Variants in IL1RAPL1 observed in about 807,000 individuals in gnomAD.
IL1RAPL1 encodes the protein interleukin-1 receptor accessory protein-like 1.
Under a neutral mutation model 48.4 loss-of-function variants are expected in IL1RAPL1, and 3 were observed. The observed-to-expected ratio is 0.06, with a 90% CI of 0.03 to 0.16. The LOEUF is 0.16. IL1RAPL1 is among the 10% of genes least tolerant of loss of function. The probability of loss-of-function intolerance (pLI) is 1.00; values close to 1 mark genes in which losing one functional copy is unlikely to be tolerated. For synonymous variants in IL1RAPL1, 185 were observed against 187.7 expected (o/e 0.99, Z 0.12); for missense variants, 349 against 530.6 (o/e 0.66, Z 3.36).
chrX:29,915,033 C>T (rs1833124), intron 6 of IL1RAPL1, among the ~76,000 whole-genome samples: 45,721 of 111,392 alleles, frequency 0.41, 8,045 homozygotes, highest in East Asian at 0.65. Context: ...TGGTGGCTCA[C>T]GCCTGTAATC....
intron 5 of IL1RAPL1, among the ~76,000 whole-genome samples, chrX:29,520,733 A>T (rs1477933023): frequency 9.0e-6 from 1 of 110,987 alleles, no homozygotes; most frequent in East Asian, 2.8e-4. Context: ...TATTATCTTT[A>T]TTGGATCTTA....
intron 2 of IL1RAPL1, among the ~76,000 whole-genome samples, chrX:29,223,787 C>T (rs1407625494): frequency 9.0e-6 from 1 of 110,594 alleles, no homozygotes; most frequent in Non-Finnish European, 1.9e-5. Flanking sequence ...TCATGATCCA[C>T]CCGCCTCGTC....
chrX:28,972,976 C>T (rs1925121850), intron 2 of IL1RAPL1, among the ~76,000 whole-genome samples: 1 of 111,291 alleles, frequency 9.0e-6, no homozygotes, highest in Non-Finnish European at 1.9e-5. Context: ...TCATGCCCTT[C>T]CTGCTGTTGT....
chrX:29,141,174 T>C (rs1221171392), intron 2 of IL1RAPL1, among the ~76,000 whole-genome samples: 2 of 110,370 alleles, frequency 1.8e-5, no homozygotes, highest in Non-Finnish European at 3.8e-5. Context: ...ATTAATGGTG[T>C]TTATATTCAG....
intron 10 of IL1RAPL1, 80 bp from the exon 11 acceptor site, chrX:29,955,022 T>G: frequency 1.2e-6 from 1 of 813,404 alleles, no homozygotes; most frequent in Admixed American, 2.2e-5. Flanking sequence ...TTCATTTAAT[T>G]TCTGAAAGAG....
At chrX:29,756,916 G>A (rs1255035028) in intron 6 of IL1RAPL1, among the ~76,000 whole-genome samples, 1 of 111,631 alleles carries the variant, frequency 9.0e-6, no homozygotes, top group Non-Finnish European at 1.9e-5. Context: ...AGACACATAG[G>A]AGAGAACACC....
intron 3 of IL1RAPL1, among the ~76,000 whole-genome samples, chrX:29,322,483 T>G (rs1932810838): frequency 9.0e-6 from 1 of 111,627 alleles, no homozygotes; most frequent in Admixed American, 9.5e-5. Flanking sequence ...CAGGCTGGTC[T>G]TGAACTCCCG....
intron 2 of IL1RAPL1, among the ~76,000 whole-genome samples, chrX:29,110,564 T>C (rs932498870): frequency 8.9e-6 from 1 of 111,804 alleles, no homozygotes; most frequent in Non-Finnish European, 1.9e-5. Context: ...TAGTGTCTGT[T>C]CTTTCAAAGG....
At chrX:28,602,245 A>T (rs779094168) in intron 1 of IL1RAPL1, among the ~76,000 whole-genome samples, 36 of 112,087 alleles carry the variant, frequency 3.2e-4, no homozygotes, top group African/African-American at 1.2e-3. Flanking sequence ...CAAATTGTGA[A>T]GCTTATTAAG....
intron 6 of IL1RAPL1, among the ~76,000 whole-genome samples, chrX:29,916,246 G>C (rs1932800128): frequency 9.2e-6 from 1 of 108,960 alleles, no homozygotes; most frequent in African/African-American, 3.3e-5. Context: ...ATGATTTATA[G>C]TCATTTGGGT....
intron 2 of IL1RAPL1, among the ~76,000 whole-genome samples, chrX:29,240,643 A>G (rs1193719008): frequency 8.9e-6 from 1 of 111,806 alleles, no homozygotes; most frequent in Non-Finnish European, 1.9e-5. Context: ...CTGTAAAATG[A>G]AAGGAAATCA....
At position 29,124,066 on chromosome X, in the gene IL1RAPL1, T is replaced by C. The variant is rs141291162; in HGVS notation, c.83-158872T>C. 4.1e-3 allele frequency among the ~76,000 whole-genome samples: 454 copies of C among 111,911 alleles called. 2 individuals carry two copies. The highest frequency in any genetic ancestry group is 0.013 in the African/African-American group (416 of 30,859). On this transcript the variant is annotated intron_variant, in intron 2 of 10. Transcript: ENST00000378993. ...TGTTGTTCTAAACTTTCCTAATTACTGAGACATTTCCCTTCATCACTTTTT... is the reference window on the plus strand; with the variant it reads ...TGTTGTTCTAAACTTTCCTAATTACCGAGACATTTCCCTTCATCACTTTTT...
intron 5 of IL1RAPL1, among the ~76,000 whole-genome samples, chrX:29,416,303 C>T (rs1934215012): frequency 9.0e-6 from 1 of 111,453 alleles, no homozygotes; most frequent in African/African-American, 3.3e-5. Flanking sequence ...AATCCTAGCA[C>T]TTTGGGAGGC....
intron 2 of IL1RAPL1, among the ~76,000 whole-genome samples, chrX:29,060,684 T>G (rs1287384369): frequency 2.7e-5 from 3 of 111,793 alleles, no homozygotes; most frequent in Non-Finnish European, 5.6e-5. Context: ...TCTGATGAAA[T>G]CCATCTGTAC....
chrX:29,120,118 T>C (rs1406800289), intron 2 of IL1RAPL1, among the ~76,000 whole-genome samples: 2 of 111,975 alleles, frequency 1.8e-5, no homozygotes, highest in Non-Finnish European at 3.8e-5. Flanking sequence ...TAGTTTCTTT[T>C]GCTGTGCAGA....
chrX:29,646,127 T>A (rs1925317204), intron 5 of IL1RAPL1, among the ~76,000 whole-genome samples: 1 of 111,646 alleles, frequency 9.0e-6, no homozygotes. Flanking sequence ...ATGAACTACA[T>A]AACAGAAAAT....
chrX:29,923,911 C>A (rs1003269023), intron 8 of IL1RAPL1, among the ~76,000 whole-genome samples: 1 of 111,986 alleles, frequency 8.9e-6, no homozygotes, highest in African/African-American at 3.3e-5. Flanking sequence ...TCTGTCTATA[C>A]TCTCATTTTG....
intron 1 of IL1RAPL1, among the ~76,000 whole-genome samples, chrX:28,666,562 T>C (rs1413364685): frequency 3.6e-5 from 4 of 112,292 alleles, no homozygotes; most frequent in Non-Finnish European, 7.5e-5. Context: ...TAAACTATTA[T>C]TCTGTAAGTA....
intron 2 of IL1RAPL1, among the ~76,000 whole-genome samples, chrX:29,177,137 T>C (rs1335290142): frequency 9.0e-6 from 1 of 111,332 alleles, no homozygotes; most frequent in Non-Finnish European, 1.9e-5. Flanking sequence ...TCTGCTTCAG[T>C]GGAGAAGAAA....
Sources: allele counts gnomAD v4.1 joint callset (sites outside exome capture counted in the v4.1 genomes callset), GRCh38; gene constraint gnomAD v4.1.1; transcripts MANE v1.5; gene names NCBI Gene and HGNC (gene_info 2026-07-23, HGNC 2026-07-21).